Variants in UGT2A2 observed in about 807,000 individuals in gnomAD.
The protein encoded by UGT2A2 is UDP glucuronosyltransferase family 2 member A2, also known as UDP-glucuronosyltransferase 2A2.
Under a neutral mutation model 50.7 loss-of-function variants are expected in UGT2A2, and 60 were observed. That is an observed-to-expected ratio of 1.18 (90% CI 0.96 to 1.47). The LOEUF is 1.47. Ranked by LOEUF, UGT2A2 falls within the 40% of genes most tolerant of loss-of-function variation. UGT2A2 has a pLI of 0.00. For missense variants in UGT2A2, 762 were observed against 634.0 expected (o/e 1.20, Z -2.17); for synonymous variants, 242 against 214.6 (o/e 1.13, Z -1.11).
At chr4:69,625,790 C>G (rs9999430) in intron 1 of UGT2A2, among the ~76,000 whole-genome samples, 53,099 of 151,108 alleles carry the variant, frequency 0.35, 9,687 homozygotes, top group African/African-American at 0.43. Context: ...GGCAGGAAGA[C>G]TTAAAAAATC....
intron 1 of UGT2A2, among the ~76,000 whole-genome samples, chr4:69,630,014 C>T (rs1721297135): frequency 6.6e-6 from 1 of 151,940 alleles, no homozygotes; most frequent in South Asian, 2.1e-4. Context: ...CAAAATACCA[C>T]ATGAAAAATA....
rs1719148578 is a variant in UGT2A2, at chr4:69,599,687, A to G, written c.743-293T>C. The G allele has an allele frequency of 1.6e-5, 4 of 252,818 alleles. No individual in the cohort carries two copies. In the East Asian group the frequency reaches 3.1e-4, roughly 19 times the overall value. 15.7% of individuals were successfully genotyped at this position (252,818 alleles called of 1,614,324 possible). A position where few individuals can be genotyped will look rare whatever the true frequency, so the allele number is the denominator to read the frequency against. On this transcript the variant is annotated intron_variant, in intron 1 of 5. Transcript: ENST00000604629. ...GAGAAAAAGGGAAGAAAGAGGTAGAAATAAAGAAAGAGAGAGAGAGAGGAA... is the reference window on the plus strand; with the variant it reads ...GAGAAAAAGGGAAGAAAGAGGTAGAGATAAAGAAAGAGAGAGAGAGAGGAA...
At chr4:69,590,417 C>T (rs1718520792) in intron 5 of UGT2A2, among the ~76,000 whole-genome samples, 1 of 152,066 alleles carries the variant, frequency 6.6e-6, no homozygotes, top group Admixed American at 6.5e-5. Flanking sequence ...TTGCAGTTTC[C>T]CTAGTTGTTA....
At chr4:69,593,489 G>A (rs1486166553) in intron 5 of UGT2A2, among the ~76,000 whole-genome samples, 1 of 151,128 alleles carries the variant, frequency 6.6e-6, no homozygotes, top group Admixed American at 6.6e-5. Context: ...ACTTTGGTGA[G>A]ATCTTTCAGA....
chr4:69,620,183 A>G lies in UGT2A2; in HGVS notation c.742+18716T>C, dbSNP rs570838303. Reference sequence around the variant, plus strand: ...AAAGGCATCCAAATAGGAAGAGAGAAAGTCAAACTTTCCTGGTTCACACAC... The same window carrying G: ...AAAGGCATCCAAATAGGAAGAGAGAGAGTCAAACTTTCCTGGTTCACACAC... On this transcript the variant is annotated intron_variant, in intron 1 of 5. Transcript: ENST00000604629. 1.1e-3 allele frequency among the ~76,000 whole-genome samples: 167 copies of G among 152,150 alleles called. 1 individual carries two copies. The highest frequency in any genetic ancestry group is 3.9e-3 in the African/African-American group (163 of 41,550).
At chr4:69,608,839 G>A (rs1719847453) in intron 1 of UGT2A2, among the ~76,000 whole-genome samples, 2 of 151,928 alleles carry the variant, frequency 1.3e-5, no homozygotes, top group African/African-American at 4.8e-5. Flanking sequence ...GGGACCACAG[G>A]CACATGCCAC....
chr4:69,596,127 A>G, intron 3 of UGT2A2, 123 bp downstream of exon 3: 1 of 1,291,278 alleles, frequency 7.7e-7, no homozygotes, highest in Non-Finnish European at 9.9e-7. Flanking sequence ...CGTTACTTAC[A>G]ACTGTTACTA....
chr4:69,630,339 G>A (rs17618230), intron 1 of UGT2A2, among the ~76,000 whole-genome samples: 28,871 of 151,760 alleles, frequency 0.19, 2,978 homozygotes, highest in Non-Finnish European at 0.22. Context: ...GCCATGCAGC[G>A]TCTTTACTCT....
At chr4:69,595,992 G>A (rs1466999352) in intron 3 of UGT2A2, among the ~76,000 whole-genome samples, 4 of 152,236 alleles carry the variant, frequency 2.6e-5, no homozygotes, top group African/African-American at 7.2e-5. Context: ...GGGGCTTAAA[G>A]TTTTCATTTC....
intron 5 of UGT2A2, among the ~76,000 whole-genome samples, chr4:69,592,824 C>A (rs1718666407): frequency 6.6e-6 from 1 of 151,822 alleles, no homozygotes; most frequent in Non-Finnish European, 1.5e-5. Context: ...AAATTAATTT[C>A]TGAAAAGAAA....
chr4:69,598,469 A>T (rs1719065230), intron 2 of UGT2A2, among the ~76,000 whole-genome samples: 1 of 152,098 alleles, frequency 6.6e-6, no homozygotes, highest in African/African-American at 2.4e-5. Flanking sequence ...ATTGTAGCAT[A>T]CAATTTCCTT....
rs2109900017 is a variant in UGT2A2, at chr4:69,603,946, G to A, written c.743-4552C>T. Among the ~76,000 whole-genome samples the A allele has an allele frequency of 1.5e-5, 2 of 136,828 alleles. 1 individual carries two copies. Among genetic ancestry groups the A allele is most frequent in the South Asian group, 4.8e-4 (2 of 4,182 alleles). 89.8% of individuals were successfully genotyped at this position (136,828 alleles called of 152,430 possible). ...AAGACCAAATCTACGTCTGATTGGT[G>A]TACCTGAAAGTGATGGGGAGAATGG... On this transcript the variant is annotated intron_variant, in intron 1 of 5. Transcript: ENST00000604629.
intron 1 of UGT2A2, among the ~76,000 whole-genome samples, chr4:69,608,524 C>G (rs912961003): frequency 1.3e-5 from 2 of 151,362 alleles, no homozygotes; most frequent in African/African-American, 4.9e-5. Context: ...TGTAACTAAC[C>G]TGCACGTTGT....
At chr4:69,590,130 A>G (rs1365657580) in intron 5 of UGT2A2, among the ~76,000 whole-genome samples, 1 of 152,220 alleles carries the variant, frequency 6.6e-6, no homozygotes. Flanking sequence ...AGGCATTGTG[A>G]TAATTACTCT....
chr4:69,590,179 G>A (rs910847934), intron 5 of UGT2A2, among the ~76,000 whole-genome samples: 4 of 152,178 alleles, frequency 2.6e-5, no homozygotes, highest in African/African-American at 9.7e-5. Flanking sequence ...AAAGGACAGT[G>A]TCTGTATCTG....
intron 1 of UGT2A2, among the ~76,000 whole-genome samples, chr4:69,614,382 C>A (rs1390953692): frequency 6.6e-6 from 1 of 151,796 alleles, no homozygotes; most frequent in Non-Finnish European, 1.5e-5. Context: ...AGCATTAAAA[C>A]GTCTATAGCA....
At position 69,601,772 on chromosome 4, in the gene UGT2A2, A is replaced by G. The variant is rs772184175; in HGVS notation, c.743-2378T>C. ...CTGATGGGAGACTAGAGGACAGGTC[A>G]TATCACTGGATCCCTTGCAGACATT... On this transcript the variant is annotated intron_variant, in intron 1 of 5. Coordinates refer to ENST00000604629, the MANE Select transcript of UGT2A2 (RefSeq NM_001105677.2). Among the ~76,000 whole-genome samples the G allele has an allele frequency of 8.0e-5, 7 of 87,184 alleles. 1 individual carries two copies. Among genetic ancestry groups the G allele is most frequent in the Non-Finnish European group, 1.6e-4 (7 of 43,628 alleles). 57.2% of individuals were successfully genotyped at this position (87,184 alleles called of 152,430 possible).
intron 1 of UGT2A2, among the ~76,000 whole-genome samples, chr4:69,621,768 C>T (rs979487704): frequency 2.0e-5 from 3 of 151,850 alleles, no homozygotes; most frequent in African/African-American, 7.3e-5. Flanking sequence ...CTATCAACGA[C>T]AGATTGGATA....
At chr4:69,594,428 G>A (rs1718784284) in intron 5 of UGT2A2, 49 bp downstream of exon 5, 1 of 1,594,948 alleles carries the variant, frequency 6.3e-7, no homozygotes, top group East Asian at 2.2e-5. Flanking sequence ...CTGGTATTAT[G>A]AATAATGTAA....
Sources: allele counts gnomAD v4.1 joint callset (sites outside exome capture counted in the v4.1 genomes callset), GRCh38; gene constraint gnomAD v4.1.1; transcripts MANE v1.5; gene names NCBI Gene and HGNC (gene_info 2026-07-23, HGNC 2026-07-21).